Variants in CPNE8 observed in about 807,000 individuals in gnomAD.
CPNE8 encodes the protein copine 8.
CPNE8 carries 45 observed loss-of-function variants against 81.5 expected under a neutral mutation model. The ratio of observed to expected loss-of-function variants is 0.55; its 90% confidence interval spans 0.44 to 0.71. CPNE8 has a LOEUF of 0.71. Ranked by LOEUF, CPNE8 falls within the 30% of genes least tolerant of loss-of-function variation. The pLI is 0.00. For synonymous variants in CPNE8, 252 were observed against 226.3 expected, an observed-to-expected ratio of 1.11 and a Z score of -1.02; for missense variants, 594 against 672.1, an observed-to-expected ratio of 0.88 and a Z score of 1.28.
chr12:38,689,889 G>A (rs535264515), intron 15 of CPNE8, among the ~76,000 whole-genome samples: 1 of 152,300 alleles, frequency 6.6e-6, no homozygotes, highest in South Asian at 2.1e-4. Context: ...GGAGAGCAAT[G>A]ACTCATTCTT....
intron 1 of CPNE8, among the ~76,000 whole-genome samples, chr12:38,886,231 C>G (rs1944235578): frequency 6.6e-6 from 1 of 152,176 alleles, no homozygotes; most frequent in South Asian, 2.1e-4. Context: ...TGGGAACCAC[C>G]AGTTCCACCA....
intron 3 of CPNE8, among the ~76,000 whole-genome samples, chr12:38,850,515 A>C (rs1171390725): frequency 6.6e-6 from 1 of 152,214 alleles, no homozygotes; most frequent in African/African-American, 2.4e-5. Flanking sequence ...ATTTGTAGCC[A>C]TTAAAATCCT....
chr12:38,705,302 G>C (rs1021292207), intron 13 of CPNE8, among the ~76,000 whole-genome samples: 1 of 152,008 alleles, frequency 6.6e-6, no homozygotes, highest in African/African-American at 2.4e-5. Flanking sequence ...AGTCCTCTTA[G>C]TAAAAACTAT....
At chr12:38,862,845 A>C (rs1332096215) in intron 3 of CPNE8, among the ~76,000 whole-genome samples, 1 of 152,196 alleles carries the variant, frequency 6.6e-6, no homozygotes, top group Non-Finnish European at 1.5e-5. Context: ...GCTTCTTGGG[A>C]GGCTGACCAA....
At chr12:38,831,606 T>C (rs77617932) in intron 5 of CPNE8, among the ~76,000 whole-genome samples, 1,965 of 152,340 alleles carry the variant, frequency 0.013, 51 homozygotes, top group African/African-American at 0.044. Context: ...TTTAAATTTG[T>C]TTTCAAATAC....
At chr12:38,761,595 T>C (rs907052383) in intron 9 of CPNE8, among the ~76,000 whole-genome samples, 1 of 152,206 alleles carries the variant, frequency 6.6e-6, no homozygotes, top group African/African-American at 2.4e-5. Flanking sequence ...TTTCATTTGC[T>C]TTTCTTTTGG....
intron 10 of CPNE8, among the ~76,000 whole-genome samples, chr12:38,743,291 A>T (rs1173171136): frequency 1.3e-5 from 2 of 152,114 alleles, no homozygotes; most frequent in African/African-American, 2.4e-5. Context: ...AGTAGAAGAG[A>T]ATGGGTTAGT....
chr12:38,834,788 T>C (rs894645076), intron 5 of CPNE8, among the ~76,000 whole-genome samples: 2 of 152,162 alleles, frequency 1.3e-5, no homozygotes, highest in Non-Finnish European at 2.9e-5. Flanking sequence ...CTGATTCCTA[T>C]GTATGTTTCC....
At chr12:38,863,378 C>A (rs1334480476) in intron 3 of CPNE8, among the ~76,000 whole-genome samples, 1 of 152,162 alleles carries the variant, frequency 6.6e-6, no homozygotes, top group Admixed American at 6.5e-5. Flanking sequence ...GCTTTAACAG[C>A]AAACTTTGTC....
intron 4 of CPNE8, among the ~76,000 whole-genome samples, chr12:38,840,842 A>C (rs1481659653): frequency 1.3e-5 from 2 of 152,196 alleles, no homozygotes; most frequent in Non-Finnish European, 2.9e-5. Flanking sequence ...ATCCCCTGGC[A>C]TTAAAGAGTT....
intron 5 of CPNE8, 54 bp downstream of exon 5, chr12:38,839,862 T>G: frequency 7.0e-7 from 1 of 1,419,676 alleles, no homozygotes; most frequent in Non-Finnish European, 9.5e-7. Flanking sequence ...TAAGTCAGCA[T>G]AAGTACTAAT....
At chr12:38,735,346 G>T (rs1476869334) in intron 10 of CPNE8, among the ~76,000 whole-genome samples, 2 of 152,040 alleles carry the variant, frequency 1.3e-5, no homozygotes, top group Admixed American at 1.3e-4. Flanking sequence ...AACAGTAAAA[G>T]AGGTTTAAAT....
At chr12:38,789,465 T>C (rs1050933666) in intron 6 of CPNE8, among the ~76,000 whole-genome samples, 3 of 151,776 alleles carry the variant, frequency 2.0e-5, no homozygotes, top group Non-Finnish European at 3.0e-5. Flanking sequence ...AATGGATTAC[T>C]TAAACAAAAG....
chr12:38,763,378 T>A (rs1941612547), intron 8 of CPNE8, among the ~76,000 whole-genome samples: 1 of 152,186 alleles, frequency 6.6e-6, no homozygotes, highest in African/African-American at 2.4e-5. Flanking sequence ...ACATAAGTGA[T>A]AAAGTGTCTG....
At chr12:38,725,607 A>G (rs183771809) in intron 11 of CPNE8, among the ~76,000 whole-genome samples, 47 of 152,352 alleles carry the variant, frequency 3.1e-4, no homozygotes, top group Non-Finnish European at 5.1e-4. Flanking sequence ...GACAGGAAAA[A>G]AAGATGAAAT....
chr12:38,707,008 G>GA (rs1194467975), intron 13 of CPNE8, among the ~76,000 whole-genome samples: 1 of 152,120 alleles, frequency 6.6e-6, no homozygotes, highest in East Asian at 1.9e-4. Flanking sequence ...CCATACATAA[G>GA]AGTTAAAAAG....
rs149930045 is a variant in CPNE8 at position 38,831,569 on chromosome 12, C to T, written c.331-2114G>A. Reference sequence around the variant, plus strand: ...TGATACTTGGATACTGCCGGCATGGCCATACCTTCATTAAACTGCAAATCA... The same window carrying T: ...TGATACTTGGATACTGCCGGCATGGTCATACCTTCATTAAACTGCAAATCA... On this transcript the variant is annotated intron_variant, in intron 5 of 19. Transcript: ENST00000331366. Among the ~76,000 whole-genome samples, 106 of 152,240 alleles carry T rather than the reference C, an allele frequency of 7.0e-4. No individual in the cohort carries two copies. In the East Asian group the frequency reaches 0.01, roughly 14 times the overall value.
chr12:38,762,272 T>G (rs1044517136), intron 8 of CPNE8, 56 bp from the exon 9 acceptor site: 1 of 982,656 alleles, frequency 1.0e-6, no homozygotes, highest in African/African-American at 1.6e-5. Flanking sequence ...AATTGATCTA[T>G]TGTTTTAGTA....
intron 6 of CPNE8, among the ~76,000 whole-genome samples, chr12:38,821,251 A>G (rs1398231073): frequency 2.0e-5 from 3 of 152,196 alleles, no homozygotes; most frequent in Non-Finnish European, 2.9e-5. Context: ...AATGGTAAAA[A>G]CCAATAAAGA....
Sources: gnomAD v4.1 joint callset for allele counts (sites outside exome capture counted in the v4.1 genomes callset) on GRCh38, gnomAD v4.1.1 for gene constraint, MANE v1.5 for transcripts, NCBI Gene and HGNC (gene_info 2026-07-23, HGNC 2026-07-21) for gene names.